Variants in ADGRG7 observed in about 807,000 individuals in gnomAD.
The protein encoded by ADGRG7 is G-protein coupled receptor 128.
In ADGRG7, 82 loss-of-function variants were observed where a neutral mutation model predicts 88.6. That is an observed-to-expected ratio of 0.93 (90% CI 0.77 to 1.11). The LOEUF (loss-of-function observed/expected upper bound fraction) is 1.11, where lower values mean the gene tolerates loss of function less well. Ranked by LOEUF, ADGRG7 falls within the 50% of genes most tolerant of loss-of-function variation. The pLI is 0.00. For synonymous variants in ADGRG7, 381 were observed against 345.2 expected, an observed-to-expected ratio of 1.10 and a Z score of -1.15; for missense variants, 945 against 953.4, an observed-to-expected ratio of 0.99 and a Z score of 0.12.
At chr3:100,691,275 G>T (rs2149044717) in intron 15 of ADGRG7, among the ~76,000 whole-genome samples, 1 of 152,284 alleles carries the variant, frequency 6.6e-6, no homozygotes, top group South Asian at 2.1e-4. Context: ...CCCTTTCTTT[G>T]ACTAGGAAAG....
intron 1 of ADGRG7, among the ~76,000 whole-genome samples, chr3:100,610,912 C>G (rs1707138292): frequency 6.6e-6 from 1 of 152,110 alleles, no homozygotes; most frequent in Non-Finnish European, 1.5e-5. Flanking sequence ...CTGCAAAGAT[C>G]CAGTGTTGAA....
intron 1 of ADGRG7, among the ~76,000 whole-genome samples, chr3:100,612,491 A>G (rs540623335): frequency 1.6e-4 from 24 of 152,328 alleles, no homozygotes; most frequent in South Asian, 6.2e-4. Context: ...ACTCTTGATG[A>G]TGAAAGTAAA....
intron 1 of ADGRG7, among the ~76,000 whole-genome samples, chr3:100,622,606 C>A (rs1707329733): frequency 6.6e-6 from 1 of 152,064 alleles, no homozygotes; most frequent in South Asian, 2.1e-4. Flanking sequence ...TGCTTGGGTT[C>A]TTATTATTAA....
rs1261095127 is a variant in ADGRG7, at chr3:100,609,864, C to A, written c.8C>A (p.Ser3Tyr). Residue 3 changes from serine to tyrosine, a missense_variant, in exon 1 of 16, where the codon TCC (serine) becomes TAC (tyrosine). Physicochemically the swap from Ser to Tyr is moderately radical, Grantham distance 144. Coordinates refer to ENST00000273352, the MANE Select transcript of ADGRG7 (RefSeq NM_032787.3). MA[S>Y]CRAWNLRVLV... is the part of the protein sequence containing the mutation. ...TTGTGGTTTGGCTTCACCATGGCTTCCTGCCGTGCCTGGAACCTTAGGGTG... is the reference window on the plus strand; with the variant it reads ...TTGTGGTTTGGCTTCACCATGGCTTACTGCCGTGCCTGGAACCTTAGGGTG... The A allele has an allele frequency of 3.7e-6, 6 of 1,613,616 alleles. No homozygotes were observed. Among genetic ancestry groups the A allele is most frequent in the African/African-American group, 1.3e-5 (1 of 74,924 alleles).
At position 100,633,565 on chromosome 3, in the gene ADGRG7, C is replaced by T. The variant is rs960441104; in HGVS notation, c.447+188C>T. 6.8e-4 allele frequency among the ~76,000 whole-genome samples: 104 copies of T among 152,140 alleles called. 1 individual carries two copies. Among genetic ancestry groups the T allele is most frequent in the Non-Finnish European group, 1.6e-4 (11 of 68,026 alleles). ...TTGAGACCTAGTTTTGCTCATGTCA[C>T]CCAGGCTGCAGTGCAATGGCACCGT... On this transcript the variant is annotated intron_variant, in intron 4 of 15. Coordinates refer to ENST00000273352, the MANE Select transcript of ADGRG7 (RefSeq NM_032787.3).
intron 10 of ADGRG7, among the ~76,000 whole-genome samples, chr3:100,648,417 A>C (rs1354612875): frequency 2.0e-5 from 3 of 152,222 alleles, no homozygotes. Context: ...ACTACGTATA[A>C]GAAATAACAT....
intron 10 of ADGRG7, among the ~76,000 whole-genome samples, chr3:100,647,980 T>C (rs536014143): frequency 2.0e-5 from 3 of 152,194 alleles, no homozygotes; most frequent in Non-Finnish European, 4.4e-5. Flanking sequence ...CTCATTTTAA[T>C]TATAAAAGCT....
intron 5 of ADGRG7, 36 bp from the exon 6 acceptor site, chr3:100,637,266 A>G (rs1310788177): frequency 7.6e-7 from 1 of 1,312,128 alleles, no homozygotes; most frequent in Non-Finnish European, 1.1e-6. Context: ...TGTATGATAT[A>G]TGCTTCTCTG....
At chr3:100,646,433 C>A (rs1001738067) in intron 9 of ADGRG7, 136 bp from the exon 10 acceptor site, 10 of 717,414 alleles carry the variant, frequency 1.4e-5, no homozygotes, top group Non-Finnish European at 2.3e-5. Context: ...TTTCCCTCTC[C>A]TTAATCATAA....
At chr3:100,636,566 C>T (rs1248407950) in intron 5 of ADGRG7, among the ~76,000 whole-genome samples, 1 of 152,146 alleles carries the variant, frequency 6.6e-6, no homozygotes, top group African/African-American at 2.4e-5. Context: ...TATGGACTCA[C>T]CTTGTGTATA....
intron 1 of ADGRG7, 69 bp downstream of exon 1, chr3:100,610,040 T>A (rs1707124913): frequency 1.6e-6 from 2 of 1,272,438 alleles, no homozygotes; most frequent in Non-Finnish European, 2.3e-6. Context: ...TGCCACCTGG[T>A]GCACAAGTAC....
intron 15 of ADGRG7, among the ~76,000 whole-genome samples, chr3:100,683,932 T>G (rs1398474213): frequency 6.6e-6 from 1 of 152,262 alleles, no homozygotes; most frequent in African/African-American, 2.4e-5. Flanking sequence ...TTCTTCTGAC[T>G]GTTATAGCAA....
At chr3:100,636,388 T>C (rs1387544970) in intron 5 of ADGRG7, among the ~76,000 whole-genome samples, 2 of 152,258 alleles carry the variant, frequency 1.3e-5, no homozygotes, top group Admixed American at 1.3e-4. Flanking sequence ...TGCAATGCAT[T>C]TCTATTAAGA....
chr3:100,616,258 G>A (rs954175525), intron 1 of ADGRG7, among the ~76,000 whole-genome samples: 6 of 152,100 alleles, frequency 3.9e-5, no homozygotes, highest in African/African-American at 1.4e-4. Context: ...AAAATTACAT[G>A]CGAACCATGA....
chr3:100,660,934 A>G (rs2094944466), intron 14 of ADGRG7, among the ~76,000 whole-genome samples: 1 of 151,322 alleles, frequency 6.6e-6, no homozygotes. Context: ...CCTGGGCAAC[A>G]AGAGCGAAAC....
At chr3:100,612,354 T>G (rs1707166140) in intron 1 of ADGRG7, among the ~76,000 whole-genome samples, 1 of 152,228 alleles carries the variant, frequency 6.6e-6, no homozygotes, top group Admixed American at 6.5e-5. Flanking sequence ...TTAAAAATTC[T>G]TACTATGTTC....
At chr3:100,688,370 G>A (rs996225327) in intron 15 of ADGRG7, among the ~76,000 whole-genome samples, 7 of 151,990 alleles carry the variant, frequency 4.6e-5, no homozygotes, top group African/African-American at 1.2e-4. Context: ...TTGTGTCTCT[G>A]TTTCCTTCAG....
intron 1 of ADGRG7, among the ~76,000 whole-genome samples, chr3:100,624,751 T>C (rs1707360510): frequency 1.3e-5 from 2 of 152,208 alleles, no homozygotes; most frequent in African/African-American, 4.8e-5. Context: ...GTTTTCTGCA[T>C]GTGGCTAGCC....
At chr3:100,685,994 G>C (rs2094981936) in intron 15 of ADGRG7, among the ~76,000 whole-genome samples, 1 of 151,024 alleles carries the variant, frequency 6.6e-6, no homozygotes, top group African/African-American at 2.4e-5. Context: ...CCCACCAACA[G>C]TGTAAAAGTG....
Sources: allele counts gnomAD v4.1 joint callset (sites outside exome capture counted in the v4.1 genomes callset), GRCh38; gene constraint gnomAD v4.1.1; transcripts MANE v1.5; gene names NCBI Gene and HGNC (gene_info 2026-07-23, HGNC 2026-07-21).